Variants in SRFBP1 observed in about 807,000 individuals in gnomAD.
SRFBP1 encodes the protein serum response factor-binding protein 1.
Under a neutral mutation model 45.5 loss-of-function variants are expected in SRFBP1, and 47 were observed. The ratio of observed to expected loss-of-function variants is 1.03; its 90% CI spans 0.82 to 1.32. The LOEUF is 1.32. Among genes scored for constraint, SRFBP1 ranks in the 40% most tolerant of loss-of-function variants. The probability of loss-of-function intolerance (pLI) is 0.00; values close to 1 mark genes in which losing one functional copy is unlikely to be tolerated. For missense variants in SRFBP1, 621 were observed against 484.6 expected (o/e 1.28, Z -2.64); for synonymous variants, 203 against 166.3 (o/e 1.22, Z -1.70).
intron 2 of SRFBP1, 106 bp from the exon 3 acceptor site, chr5:121,975,209 G>A (rs1383127906): frequency 8.8e-7 from 1 of 1,133,000 alleles, no homozygotes; most frequent in Non-Finnish European, 1.3e-6. Context: ...TTGTTATTTA[G>A]AGATTTATTA....
intron 4 of SRFBP1, among the ~76,000 whole-genome samples, chr5:122,006,948 G>A (rs551797382): frequency 2.0e-5 from 3 of 152,040 alleles, no homozygotes; most frequent in East Asian, 1.9e-4. Flanking sequence ...TATTTTTGTC[G>A]TGTTGTATCT....
chr5:122,048,154 C>T (rs962479740), intron 2 of SRFBP1, among the ~76,000 whole-genome samples: 20 of 152,144 alleles, frequency 1.3e-4, no homozygotes, highest in African/African-American at 4.8e-4. Context: ...CCAGTTTTTG[C>T]CCATTCAGTA....
chr5:122,064,749 T>C (rs1475030914), intron 2 of SRFBP1: 1 of 151,982 alleles, frequency 6.6e-6, no homozygotes, highest in Non-Finnish European at 1.5e-5. Context: ...ACCATGTGAG[T>C]ACTTGGCATA....
intron 2 of SRFBP1, among the ~76,000 whole-genome samples, chr5:122,047,243 C>A (rs1264125800): frequency 6.6e-6 from 1 of 152,138 alleles, no homozygotes; most frequent in East Asian, 1.9e-4. Flanking sequence ...AGGAAGGGAT[C>A]CAGTTTCAGC....
At chr5:121,993,494 G>A (rs1283902070) in intron 3 of SRFBP1, among the ~76,000 whole-genome samples, 2 of 152,038 alleles carry the variant, frequency 1.3e-5, no homozygotes, top group Admixed American at 1.3e-4. Context: ...TTATCATAGA[G>A]GCAGTAGGCC....
intron 3 of SRFBP1, among the ~76,000 whole-genome samples, chr5:121,978,483 A>C (rs1006695235): frequency 6.6e-6 from 1 of 152,020 alleles, no homozygotes; most frequent in Non-Finnish European, 1.5e-5. Flanking sequence ...ACAGTAGCCT[A>C]TATCTGTATT....
At position 122,019,326 on chromosome 5, in the gene SRFBP1, A is replaced by G. The variant is rs532792088; in HGVS notation, c.337A>G (p.Ile113Val). ...AGTACATCCTCTTCTGAAGAAAAAG[A>G]TAGATGTGCTAAAAGGTATGAATTA... ...LAVHPLLKKK[I>V]DVLKAAVQAF... is the part of the protein sequence containing the mutation. Residue 113 changes from isoleucine (I) to valine (V), a missense_variant, in exon 5 of 8, where the codon ATA becomes GTA. Ile to Val is a conservative substitution (Grantham distance 29). Transcript: ENST00000339397. 5.6e-6 allele frequency: 9 copies of G among 1,612,252 alleles called. No individual in the cohort carries two copies. Among genetic ancestry groups the G allele is most frequent in the Admixed American group, 5.0e-5 (3 of 59,884 alleles).
chr5:122,013,550 C>T (rs1742449934), intron 4 of SRFBP1, among the ~76,000 whole-genome samples: 1 of 151,962 alleles, frequency 6.6e-6, no homozygotes, highest in Admixed American at 6.6e-5. Flanking sequence ...TGAAAGGACA[C>T]AGCTAATTTT....
chr5:121,982,865 A>G (rs1752439076), intron 3 of SRFBP1, among the ~76,000 whole-genome samples: 1 of 151,546 alleles, frequency 6.6e-6, no homozygotes, highest in African/African-American at 2.4e-5. Context: ...TGTTTTGATT[A>G]GATTTTTTTG....
At chr5:122,057,361 A>G (rs1754097269) in intron 2 of SRFBP1, among the ~76,000 whole-genome samples, 1 of 152,136 alleles carries the variant, frequency 6.6e-6, no homozygotes, top group African/African-American at 2.4e-5. Context: ...TTTATTATCA[A>G]GTTTTCAGGT....
intron 7 of SRFBP1, 100 bp from the exon 8 acceptor site, chr5:122,026,842 A>G (rs999756182): frequency 5.9e-6 from 5 of 844,062 alleles, no homozygotes; most frequent in Admixed American, 7.4e-5. Flanking sequence ...TAAGAAAACA[A>G]AATTTCTTTT....
At chr5:122,010,484 A>AG (rs982828085) in intron 4 of SRFBP1, among the ~76,000 whole-genome samples, 5 of 152,166 alleles carry the variant, frequency 3.3e-5, no homozygotes, top group African/African-American at 9.7e-5. Flanking sequence ...CCAGTGGCTT[A>AG]GGGGAAATAG....
chr5:122,020,775 CTT>C lies in SRFBP1; in HGVS notation c.1042_1043del (p.Leu348IlefsTer4), dbSNP rs1225246986. ...AAGTTAGAATCAGTGTTTTTCCACT[CTT>C]TATCTGGATCTAAAAGCTCTAGAAG... On this transcript the variant is annotated frameshift_variant, in exon 6 of 8. Transcript: ENST00000339397. LOFTEE classifies it high-confidence loss of function. The C allele has an allele frequency of 2.5e-6, 4 of 1,578,310 alleles. No individual in the cohort carries two copies. Among genetic ancestry groups the C allele is most frequent in the East Asian group, 4.5e-5 (2 of 44,574 alleles).
chr5:121,972,472 G>T (rs1041056563), intron 1 of SRFBP1, among the ~76,000 whole-genome samples: 4 of 151,792 alleles, frequency 2.6e-5, no homozygotes, highest in Admixed American at 2.0e-4. Flanking sequence ...GAAGAATGGG[G>T]GTCCACTTGA....
rs1450944256 is a variant in SRFBP1 at position 122,027,049 on chromosome 5, G to C, written c.1213G>C (p.Glu405Gln). Residue 405 changes from glutamate (E) to glutamine (Q), a missense_variant, in exon 8 of 8, where the codon GAA (glutamate) becomes CAA (glutamine). Transcript: ENST00000339397. ...GCAGCTGCCTCTTCATCCTTCATGG[G>C]AAGCAAGCAGAAGGCGAAAAGAACA... ...QLQLPLHPSW[E>Q]ASRRRKEQQS... 20 of 1,612,538 alleles carry C rather than the reference G, an allele frequency of 1.2e-5. No individual in the cohort carries two copies. The highest frequency in any genetic ancestry group is 1.6e-5 in the Non-Finnish European group (19 of 1,179,572).
rs1752254850 is a variant in SRFBP1, at chr5:121,974,196, G to A, written c.37G>A (p.Val13Ile). Residue 13 changes from valine to isoleucine, a missense_variant and splice_region_variant, in exon 2 of 8, where the codon GTT (valine) becomes ATT (isoleucine). Coordinates refer to ENST00000339397, the MANE Select transcript of SRFBP1 (RefSeq NM_152546.3). ...CTAATTATTGCTTTATTCTTCAAAGGTTGTGAAGATGAGAAAAGAAGTGAA... is the reference window on the plus strand; with the variant it reads ...CTAATTATTGCTTTATTCTTCAAAGATTGTGAAGATGAGAAAAGAAGTGAA... ...QPGTLNLNNE[V>I]VKMRKEVKRI... 1 of 1,605,998 alleles carries A rather than the reference G, an allele frequency of 6.2e-7. No homozygotes were observed. The highest frequency in any genetic ancestry group is 1.7e-5 in the Admixed American group (1 of 59,778).
chr5:122,054,801 A>G (rs114685422), intron 2 of SRFBP1, among the ~76,000 whole-genome samples: 2 of 152,166 alleles, frequency 1.3e-5, no homozygotes, highest in Non-Finnish European at 2.9e-5. Flanking sequence ...TTATTTTTAA[A>G]TTGCATATTT....
intron 4 of SRFBP1, among the ~76,000 whole-genome samples, chr5:122,001,472 T>C (rs984533162): frequency 2.0e-5 from 3 of 150,108 alleles, no homozygotes; most frequent in African/African-American, 7.3e-5. Context: ...CTAAGTGTTG[T>C]ATATTAAATA....
chr5:121,994,945 T>C (rs547659995), intron 4 of SRFBP1, among the ~76,000 whole-genome samples: 16 of 152,128 alleles, frequency 1.1e-4, no homozygotes, highest in African/African-American at 3.4e-4. Context: ...ATCATACTAC[T>C]TAAAACTAAG....
Sources: gnomAD v4.1 joint callset for allele counts (sites outside exome capture counted in the v4.1 genomes callset) on GRCh38, gnomAD v4.1.1 for gene constraint, MANE v1.5 for transcripts, NCBI Gene and HGNC (gene_info 2026-07-23, HGNC 2026-07-21) for gene names.